The following LINGO2 variants were observed in gnomAD, a reference collection of about 807,000 sequenced individuals.
LINGO2 encodes the protein leucine-rich repeat and immunoglobulin-like domain-containing nogo receptor-interacting protein 2.
In LINGO2, 14 loss-of-function variants were observed where a neutral mutation model predicts 30.6. That is an observed-to-expected ratio of 0.46 (90% CI 0.30 to 0.72). LINGO2 has a LOEUF of 0.72. Among genes scored for constraint, LINGO2 ranks in the 30% least tolerant of loss-of-function variants. The pLI, the probability that LINGO2 is intolerant of heterozygous loss-of-function variation, is 0.07. For missense variants in LINGO2, 729 were observed against 751.7 expected (o/e 0.97, Z 0.35); for synonymous variants, 317 against 288.5 (o/e 1.10, Z -1.00).
chr9:28,373,342 T>G (rs1447356173), intron 2 of LINGO2, among the ~76,000 whole-genome samples: 6 of 152,204 alleles, frequency 3.9e-5, no homozygotes, highest in Non-Finnish European at 5.9e-5. Context: ...CTTTTGCGTC[T>G]TCTCTCTCCT....
the LINGO2 span, among the ~76,000 whole-genome samples, chr9:28,860,077 T>A: frequency 6.6e-6 from 1 of 152,160 alleles, no homozygotes; most frequent in South Asian, 2.1e-4. Flanking sequence ...AACATAAATA[T>A]TTTAAATTTC....
At position 28,189,305 on chromosome 9, in the gene LINGO2, GAGGA is replaced by G. The variant is rs1217794527; in HGVS notation, c.-87+105899_-87+105902del. Reference sequence around the variant, plus strand: ...GGAGGGAGGGAGGAAGGAAGGAAGGGAGGAAGGAAGGAAGGAAGGGAGGGAGGAA... The same window carrying G: ...GGAGGGAGGGAGGAAGGAAGGAAGGGAGGAAGGAAGGAAGGGAGGGAGGAA... On this transcript the variant is annotated intron_variant, in intron 4 of 5. Coordinates refer to ENST00000379992, the Ensembl canonical transcript of LINGO2. Among the ~76,000 whole-genome samples the G allele has an allele frequency of 8.7e-4, 23 of 26,416 alleles. 1 individual carries two copies. Among genetic ancestry groups the G allele is most frequent in the African/African-American group, 2.4e-3 (20 of 8,474 alleles). The allele number at this position is 26,416 out of a possible 152,430, so 17.3% of individuals were successfully genotyped here. A position where few individuals can be genotyped will look rare whatever the true frequency, so the allele number is the denominator to read the frequency against.
chr9:28,434,489 T>C (rs1823834025), intron 2 of LINGO2, among the ~76,000 whole-genome samples: 1 of 149,662 alleles, frequency 6.7e-6, no homozygotes, highest in South Asian at 2.1e-4. Flanking sequence ...TATAACTATC[T>C]ATCTTGTAAG....
the LINGO2 span, among the ~76,000 whole-genome samples, chr9:28,880,680 C>T: frequency 2.0e-5 from 3 of 152,150 alleles, no homozygotes; most frequent in Non-Finnish European, 2.9e-5. Context: ...AAGAGGAAAG[C>T]CTCTTGCAGT....
intron 1 of LINGO2, among the ~76,000 whole-genome samples, chr9:28,624,028 T>C (rs1053962940): frequency 6.6e-6 from 1 of 152,132 alleles, no homozygotes; most frequent in African/African-American, 2.4e-5. Flanking sequence ...TTGATTTGTA[T>C]CTTGCAACTT....
At chr9:28,994,502 G>T in the LINGO2 span, among the ~76,000 whole-genome samples, 6 of 150,624 alleles carry the variant, frequency 4.0e-5, no homozygotes, top group African/African-American at 9.8e-5. Context: ...TTTCTTCACA[G>T]AATTGGAAAA....
chr9:29,081,840 C>G, the LINGO2 span, among the ~76,000 whole-genome samples: 1 of 150,768 alleles, frequency 6.6e-6, no homozygotes, highest in African/African-American at 2.4e-5. Context: ...TGCTTCAAAG[C>G]AAATAAAATA....
chr9:28,680,186 G>T, the LINGO2 span, among the ~76,000 whole-genome samples: 1 of 151,870 alleles, frequency 6.6e-6, no homozygotes, highest in Non-Finnish European at 1.5e-5. Flanking sequence ...CATTTTTTTA[G>T]ATTTCACATA....
the LINGO2 span, among the ~76,000 whole-genome samples, chr9:29,036,454 G>C: frequency 6.6e-6 from 1 of 151,898 alleles, no homozygotes; most frequent in Non-Finnish European, 1.5e-5. Context: ...TGAACTATGA[G>C]AAATAAATTA....
At chr9:28,728,930 G>A in the LINGO2 span, among the ~76,000 whole-genome samples, 1 of 152,100 alleles carries the variant, frequency 6.6e-6, no homozygotes, top group African/African-American at 2.4e-5. Context: ...GTGAGAAGAA[G>A]GCAGATCTCT....
chr9:28,731,614 T>C, the LINGO2 span, among the ~76,000 whole-genome samples: 1 of 152,120 alleles, frequency 6.6e-6, no homozygotes, highest in Non-Finnish European at 1.5e-5. Flanking sequence ...CACGGGCTAC[T>C]TGGGACATTA....
At chr9:28,630,357 A>T (rs1039562083) in intron 1 of LINGO2, among the ~76,000 whole-genome samples, 2 of 152,024 alleles carry the variant, frequency 1.3e-5, no homozygotes, top group Non-Finnish European at 2.9e-5. Context: ...TTTTTCTATT[A>T]TTAATACTGC....
the LINGO2 span, among the ~76,000 whole-genome samples, chr9:28,691,890 T>C: frequency 1.3e-5 from 2 of 152,088 alleles, no homozygotes; most frequent in Non-Finnish European, 2.9e-5. Context: ...AGAAAACATA[T>C]AATGAAGTTA....
chr9:28,048,506 T>C (rs1165279066), intron 4 of LINGO2, among the ~76,000 whole-genome samples: 1 of 150,902 alleles, frequency 6.6e-6, no homozygotes, highest in Non-Finnish European at 1.5e-5. Flanking sequence ...AGAAATATTG[T>C]ATTCATTGCC....
the LINGO2 span, among the ~76,000 whole-genome samples, chr9:28,871,894 T>TCTA: frequency 6.6e-6 from 1 of 152,058 alleles, no homozygotes; most frequent in Non-Finnish European, 1.5e-5. Context: ...CTTAATAATT[T>TCTA]CTACCTTATT....
chr9:28,134,332 C>G (rs1827455674), intron 4 of LINGO2, among the ~76,000 whole-genome samples: 1 of 152,054 alleles, frequency 6.6e-6, no homozygotes, highest in East Asian at 1.9e-4. Context: ...TATTGTTTAC[C>G]TAAGAACAAC....
At chr9:28,677,468 G>A in the LINGO2 span, among the ~76,000 whole-genome samples, 1 of 152,150 alleles carries the variant, frequency 6.6e-6, no homozygotes, top group Non-Finnish European at 1.5e-5. Flanking sequence ...CAGTATCCAA[G>A]AAATATTTGT....
the LINGO2 span, among the ~76,000 whole-genome samples, chr9:28,725,127 G>A: frequency 6.6e-6 from 1 of 151,834 alleles, no homozygotes; most frequent in East Asian, 1.9e-4. Context: ...TTTTTATACA[G>A]CAACTATTTT....
chr9:28,267,491 C>T (rs931153447), intron 4 of LINGO2, among the ~76,000 whole-genome samples: 9 of 152,090 alleles, frequency 5.9e-5, no homozygotes, highest in Admixed American at 2.0e-4. Flanking sequence ...CGTCTAGTAA[C>T]ATTCCTCCTG....
Sources: gnomAD v4.1 joint callset for allele counts (sites outside exome capture counted in the v4.1 genomes callset) on GRCh38, gnomAD v4.1.1 for gene constraint, MANE v1.5 for transcripts, NCBI Gene and HGNC (gene_info 2026-07-23, HGNC 2026-07-21) for gene names.